The following ESR1 variants were observed in gnomAD, a reference collection of about 807,000 sequenced individuals.
The protein encoded by ESR1 is estrogen receptor.
ESR1 carries 12 observed loss-of-function variants against 52.7 expected under a neutral mutation model. The observed-to-expected ratio is 0.23, with a 90% CI of 0.15 to 0.37. The LOEUF (loss-of-function observed/expected upper bound fraction) is 0.37, where lower values mean the gene tolerates loss of function less well. Among genes scored for constraint, ESR1 ranks in the 10% least tolerant of loss-of-function variants. The probability of loss-of-function intolerance (pLI) is 1.00; values close to 1 mark genes in which losing one functional copy is unlikely to be tolerated. For missense variants in ESR1, 584 were observed against 779.7 expected (o/e 0.75, Z 2.99); for synonymous variants, 305 against 316.8 (o/e 0.96, Z 0.39).
At chr6:152,071,185 C>T (rs1340710609) in intron 6 of ESR1, among the ~76,000 whole-genome samples, 7 of 151,926 alleles carry the variant, frequency 4.6e-5, no homozygotes, top group African/African-American at 1.2e-4. Context: ...GCAGCTCCTA[C>T]CTCAAAGACC....
At position 151,884,578 on chromosome 6, in the gene ESR1, T is replaced by C. The variant is rs77011895; in HGVS notation, c.760+3807T>C. On this transcript the variant is annotated intron_variant, in intron 3 of 7. Transcript: ENST00000206249. ...GCTGAAAAAATTCACTGAAGATCTATTGTAAAGATCCAAAAGAGTGCATGA... is the reference window on the plus strand; with the variant it reads ...GCTGAAAAAATTCACTGAAGATCTACTGTAAAGATCCAAAAGAGTGCATGA... Among the ~76,000 whole-genome samples, 741 of 152,322 alleles carry C rather than the reference T, an allele frequency of 4.9e-3. 3 individuals are homozygous for C. Among genetic ancestry groups the C allele is most frequent in the African/African-American group, 0.014 (599 of 41,570 alleles).
intron 3 of ESR1, among the ~76,000 whole-genome samples, chr6:151,922,170 C>T (rs192822209): frequency 2.6e-5 from 4 of 152,268 alleles, no homozygotes; most frequent in Admixed American, 2.0e-4. Context: ...ACATCTACAA[C>T]GATTTGACCT....
intron 3 of ESR1, 143 bp downstream of exon 3, chr6:151,880,914 A>G (rs62443562): frequency 2.8e-5 from 18 of 642,316 alleles, no homozygotes; most frequent in Middle Eastern, 4.1e-4. Context: ...TCTTTGCAAC[A>G]AAAGTATTTT....
At chr6:151,974,037 G>A (rs965886554) in intron 4 of ESR1, among the ~76,000 whole-genome samples, 4 of 152,192 alleles carry the variant, frequency 2.6e-5, no homozygotes, top group African/African-American at 9.6e-5. Flanking sequence ...GTAAATGAAT[G>A]TGCATGGCTG....
At chr6:151,699,540 G>A (rs1279115697) in intron 1 of ESR1, among the ~76,000 whole-genome samples, 1 of 152,154 alleles carries the variant, frequency 6.6e-6, no homozygotes, top group Non-Finnish European at 1.5e-5. Flanking sequence ...AGAACATTTG[G>A]CATATGAAGC....
At chr6:151,988,612 T>C (rs959386678) in intron 4 of ESR1, among the ~76,000 whole-genome samples, 1 of 151,960 alleles carries the variant, frequency 6.6e-6, no homozygotes, top group Non-Finnish European at 1.5e-5. Context: ...GAAAAAATAT[T>C]AATAACTAAT....
At position 151,965,579 on chromosome 6, in the gene ESR1, T is replaced by C. The variant is rs547978811; in HGVS notation, c.1096+21071T>C. ...CCTTTCCTTTCACTTTCCTACCCTC[T>C]ACCTACTTAATGAGTTCGATTATAG... On this transcript the variant is annotated intron_variant, in intron 4 of 7. Coordinates refer to ENST00000206249, the MANE Select transcript of ESR1 (RefSeq NM_000125.4). Among the ~76,000 whole-genome samples the C allele has an allele frequency of 5.9e-5, 9 of 152,260 alleles. No individual in the cohort carries two copies. The East Asian group carries it at 1.7e-3, about 29-fold the overall frequency.
chr6:151,983,159 C>G (rs2040151877), intron 4 of ESR1, among the ~76,000 whole-genome samples: 1 of 152,038 alleles, frequency 6.6e-6, no homozygotes, highest in Non-Finnish European at 1.5e-5. Context: ...TTCAGTGCAA[C>G]AAGTGCTATA....
At chr6:151,739,806 C>T (rs969046010) in intron 2 of ESR1, among the ~76,000 whole-genome samples, 1 of 152,100 alleles carries the variant, frequency 6.6e-6, no homozygotes, top group East Asian at 1.9e-4. Flanking sequence ...AGACAGAAGC[C>T]CCTTCTTTCA....
intron 4 of ESR1, among the ~76,000 whole-genome samples, chr6:151,949,044 C>T (rs2036033112): frequency 6.6e-6 from 1 of 152,222 alleles, no homozygotes; most frequent in Non-Finnish European, 1.5e-5. Context: ...TAGAACTGCT[C>T]TCTAAGGCTG....
At chr6:152,054,424 A>T (rs1156818627) in intron 5 of ESR1, among the ~76,000 whole-genome samples, 2 of 151,732 alleles carry the variant, frequency 1.3e-5, no homozygotes, top group African/African-American at 2.4e-5. Flanking sequence ...AATAGCCCTG[A>T]TTTCTCTTTA....
intron 2 of ESR1, among the ~76,000 whole-genome samples, chr6:151,704,137 G>C (rs993303958): frequency 2.0e-5 from 3 of 152,218 alleles, no homozygotes; most frequent in African/African-American, 7.2e-5. Context: ...AATGTATGTT[G>C]ATAGGTTAGT....
Position 152,102,863 on chromosome 6 carries a change from A to C in ESR1, c.*3897A>C, listed in dbSNP as rs1040296077. The C allele has an allele frequency of 1.3e-5, 3 of 226,432 alleles. No homozygotes were observed. The highest frequency in any genetic ancestry group is 6.7e-5 in the African/African-American group (3 of 44,936). The allele number at this position is 226,432 out of a possible 1,614,324, so 14.0% of individuals were successfully genotyped here. Reference sequence around the variant, plus strand: ...TCAGTGTGTGTGTTTAGAGCTGTGCACCCTAGAAACAACATATTGTCCCAT... The same window carrying C: ...TCAGTGTGTGTGTTTAGAGCTGTGCCCCCTAGAAACAACATATTGTCCCAT... On this transcript the variant is annotated 3_prime_UTR_variant, in exon 8 of 8. Coordinates refer to ENST00000206249, the MANE Select transcript of ESR1 (RefSeq NM_000125.4).
intron 5 of ESR1, among the ~76,000 whole-genome samples, chr6:152,049,801 G>A (rs6901451): frequency 0.22 from 34,189 of 152,028 alleles, 5,657 homozygotes; most frequent in African/African-American, 0.46. Context: ...AAGTGGAAAT[G>A]GATGTGTGTG....
intron 1 of ESR1, 108 bp from the exon 2 acceptor site, chr6:151,842,489 T>C (rs1784456159): frequency 2.0e-6 from 2 of 1,004,954 alleles, no homozygotes; most frequent in Non-Finnish European, 3.1e-6. Context: ...GCTTACATTA[T>C]GATTCATTAT....
intron 2 of ESR1, among the ~76,000 whole-genome samples, chr6:151,722,598 G>A (rs1367675687): frequency 6.6e-6 from 1 of 152,196 alleles, no homozygotes; most frequent in African/African-American, 2.4e-5. Flanking sequence ...AAACAGTAAT[G>A]ATCACAAGCA....
chr6:151,894,145 T>C (rs2128377121), intron 3 of ESR1, among the ~76,000 whole-genome samples: 1 of 152,288 alleles, frequency 6.6e-6, no homozygotes, highest in African/African-American at 2.4e-5. Flanking sequence ...TCCCTGATCT[T>C]TGGTGATGTT....
chr6:152,041,739 A>G (rs1348150150), intron 5 of ESR1, among the ~76,000 whole-genome samples: 2 of 152,250 alleles, frequency 1.3e-5, no homozygotes, highest in Non-Finnish European at 2.9e-5. Context: ...AGATTATGAC[A>G]CAAAGCTGGA....
intron 2 of ESR1, among the ~76,000 whole-genome samples, chr6:151,854,634 A>G (rs959310991): frequency 6.6e-6 from 1 of 152,192 alleles, no homozygotes; most frequent in Non-Finnish European, 1.5e-5. Flanking sequence ...TTTCAAAATC[A>G]TGTATTAGGA....
Sources: allele counts gnomAD v4.1 joint callset (sites outside exome capture counted in the v4.1 genomes callset), GRCh38; gene constraint gnomAD v4.1.1; transcripts MANE v1.5; gene names NCBI Gene and HGNC (gene_info 2026-07-23, HGNC 2026-07-21).